Variants in CRYGN observed in about 807,000 individuals in gnomAD.
The protein encoded by CRYGN is crystallin gamma N, also known as gamma-crystallin N.
A neutral mutation model predicts 19.2 loss-of-function variants in CRYGN; 17 were observed. That is an observed-to-expected ratio of 0.89 (90% CI 0.61 to 1.33). CRYGN has a LOEUF of 1.33. Ranked by LOEUF, CRYGN falls within the 40% of genes most tolerant of loss-of-function variation. CRYGN has a pLI of 0.00. For missense variants in CRYGN, 239 were observed against 239.6 expected (o/e 1.00, Z 0.02); for synonymous variants, 84 against 85.8 (o/e 0.98, Z 0.12).
At position 151,431,985 on chromosome 7, in the gene CRYGN, C is replaced by T. The variant is rs1801479173; in HGVS notation, c.417-1805G>A. ...AGTCCGGGAAAGCGCCCTGGATCAT[C>T]CAGCTCCTCCCAGGGCTGGGATGCC... On this transcript the variant is annotated intron_variant, in intron 3 of 3. Coordinates refer to ENST00000337323, the MANE Select transcript of CRYGN (RefSeq NM_144727.3). The surrounding 1 kb of genome is among the most constrained non-coding windows in gnomAD (Gnocchi z 4.8). The T allele has an allele frequency of 2.6e-6, 1 of 388,844 alleles. No individual in the cohort carries two copies. The highest frequency in any genetic ancestry group is 4.5e-6 in the Non-Finnish European group (1 of 221,120). 24.1% of individuals were successfully genotyped at this position (388,844 alleles called of 1,614,324 possible). A position where few individuals can be genotyped will look rare whatever the true frequency, so the allele number is the denominator to read the frequency against.
chr7:151,431,630 C>A lies in CRYGN; in HGVS notation c.417-1450G>T, dbSNP rs1023991435. On this transcript the variant is annotated intron_variant, in intron 3 of 3. Transcript: ENST00000337323. This position sits in a 1 kb window ranked among gnomAD's most constrained non-coding sequence, Gnocchi z 4.8. ...CCACCTGTTCAAGCTAAGCCCCCAC[C>A]CTGACACTCACCACCACTAACTGTT... 6.6e-6 allele frequency among the ~76,000 whole-genome samples: 1 copy of A among 152,184 alleles called. No homozygotes were observed. Among genetic ancestry groups the A allele is most frequent in the African/African-American group, 2.4e-5 (1 of 41,442 alleles).
Position 151,435,887 on chromosome 7 carries a change from C to T in CRYGN, c.416+293G>A, listed in dbSNP as rs1801589751. Among the ~76,000 whole-genome samples the T allele has an allele frequency of 6.6e-6, 1 of 152,184 alleles. No homozygotes were observed. Among genetic ancestry groups the T allele is most frequent in the African/African-American group, 2.4e-5 (1 of 41,440 alleles). On this transcript the variant is annotated intron_variant, in intron 3 of 3. Transcript: ENST00000337323. The surrounding 1 kb of genome is among the most constrained non-coding windows in gnomAD (Gnocchi z 4.2). ...AACCGTGCAACTTTCAAGGTACTCT[C>T]CTACCTCTGCTCCTGGACTGAGGCC...
intron 1 of CRYGN, among the ~76,000 whole-genome samples, chr7:151,439,469 G>A (rs541604086): frequency 1.3e-5 from 2 of 152,264 alleles, no homozygotes; most frequent in African/African-American, 2.4e-5. Context: ...AGGGATTCGG[G>A]GCTCCCTCAA....
upstream of CRYGN, chr7:151,440,266 G>A (rs1214277333): frequency 2.4e-6 from 1 of 421,062 alleles, no homozygotes; most frequent in Non-Finnish European, 4.0e-6. Flanking sequence ...CTTCCCCTGC[G>A]CTGCCCCTCA....
In CRYGN at chr7:151,431,191, C is replaced by T. The variant is rs987992428; in HGVS notation, c.417-1011G>A. Among the ~76,000 whole-genome samples the T allele has an allele frequency of 6.6e-6, 1 of 152,178 alleles. No homozygotes were observed. The highest frequency in any genetic ancestry group is 1.5e-5 in the Non-Finnish European group (1 of 68,018). On this transcript the variant is annotated intron_variant, in intron 3 of 3. Transcript: ENST00000337323. This position sits in a 1 kb window ranked among gnomAD's most constrained non-coding sequence, Gnocchi z 4.8. ...GCAGCAGGGAGTTACCTGGGCCACC[C>T]CCAGGGACCAGAGTTCCCCTCGTGG... is the stretch of plus-strand genomic sequence containing the variant.
At position 151,433,656 on chromosome 7, in the gene CRYGN, C is replaced by G. The variant is rs919563362; in HGVS notation, c.416+2524G>C. ...TTCCAACCCCACACCTGTGCCACAG[C>G]TGGGGCCTCAGAGGCACCTCAGAGA... On this transcript the variant is annotated intron_variant, in intron 3 of 3. Transcript: ENST00000337323. This position sits in a 1 kb window ranked among gnomAD's most constrained non-coding sequence, Gnocchi z 5.1. 6.4e-6 allele frequency: 1 copy of G among 155,060 alleles called. No individual in the cohort carries two copies. The highest frequency in any genetic ancestry group is 1.5e-5 in the Non-Finnish European group (1 of 68,422). The allele number at this position is 155,060 out of a possible 1,614,324, so 9.6% of individuals were successfully genotyped here.
intron 1 of CRYGN, among the ~76,000 whole-genome samples, chr7:151,439,477 C>T (rs960412757): frequency 1.3e-4 from 20 of 152,140 alleles, no homozygotes; most frequent in Non-Finnish European, 2.8e-4. Context: ...GGGGCTCCCT[C>T]AAATCTCAAC....
Position 151,429,614 on chromosome 7 carries a change from C to A in CRYGN, c.*434G>T. On this transcript the variant is annotated 3_prime_UTR_variant, in exon 4 of 4. Transcript: ENST00000337323. The stretch of plus-strand genomic sequence containing the variant: ...TGTGACCCTGGGCAAGTTGCTTAAC[C>A]TGTCTGTGGCTGGCTCTCCTCAACT... 4.6e-6 allele frequency: 1 copy of A among 215,264 alleles called. No homozygotes were observed. Among genetic ancestry groups the A allele is most frequent in the South Asian group, 7.8e-5 (1 of 12,856 alleles). 13.3% of individuals were successfully genotyped at this position (215,264 alleles called of 1,614,324 possible).
rs758525859 is a variant in CRYGN, at chr7:151,435,447, C to T, written c.416+733G>A. Among the ~76,000 whole-genome samples, 4 of 152,148 alleles carry T rather than the reference C, an allele frequency of 2.6e-5. No individual in the cohort carries two copies. Among genetic ancestry groups the T allele is most frequent in the Non-Finnish European group, 4.4e-5 (3 of 68,022 alleles). ...AGGTGTGGGCTGGACAATGAAAATA[C>T]ATGGCCAACTTGAAGGTGCTCAGAG... On this transcript the variant is annotated intron_variant, in intron 3 of 3. Transcript: ENST00000337323. This position sits in a 1 kb window ranked among gnomAD's most constrained non-coding sequence, Gnocchi z 4.2.
chr7:151,432,138 G>T (rs1420121223), intron 3 of CRYGN: 3 of 1,201,320 alleles, frequency 2.5e-6, no homozygotes, highest in Non-Finnish European at 2.1e-6. Flanking sequence ...CCATCCCGGT[G>T]GGAGGGCTCG....
chr7:151,430,797 G>C lies in CRYGN; in HGVS notation c.417-617C>G, dbSNP rs907454906. On this transcript the variant is annotated intron_variant, in intron 3 of 3. Coordinates refer to ENST00000337323, the MANE Select transcript of CRYGN (RefSeq NM_144727.3). The surrounding 1 kb of genome is among the most constrained non-coding windows in gnomAD (Gnocchi z 5.2). ...AAACTGGAGTAAGATGTATGGTGAG[G>C]AGGACCCGGGAACTGAGAGGCCAGT... 2.0e-5 allele frequency among the ~76,000 whole-genome samples: 3 copies of C among 152,206 alleles called. No homozygotes were observed. The highest frequency in any genetic ancestry group is 4.4e-5 in the Non-Finnish European group (3 of 68,044).
rs2150905117 is a variant in CRYGN at position 151,430,782 on chromosome 7, A to G, written c.417-602T>C. On this transcript the variant is annotated intron_variant, in intron 3 of 3. Transcript: ENST00000337323. The surrounding 1 kb of genome is among the most constrained non-coding windows in gnomAD (Gnocchi z 5.2). ...CTCCATCTACTCAGAAAACTGGAGTAAGATGTATGGTGAGGAGGACCCGGG... is the reference window on the plus strand; with the variant it reads ...CTCCATCTACTCAGAAAACTGGAGTGAGATGTATGGTGAGGAGGACCCGGG... 6.6e-6 allele frequency among the ~76,000 whole-genome samples: 1 copy of G among 152,308 alleles called. No individual in the cohort carries two copies. The highest frequency in any genetic ancestry group is 2.4e-5 in the African/African-American group (1 of 41,564).
chr7:151,434,705 C>T lies in CRYGN; in HGVS notation c.416+1475G>A, dbSNP rs146276953. On this transcript the variant is annotated intron_variant, in intron 3 of 3. Transcript: ENST00000337323. ...TGTATCCTCCCATATATAGTAAGTC[C>T]TCACTTAACACCGTCAGTAAGTTCT... Among the ~76,000 whole-genome samples the T allele has an allele frequency of 5.4e-3, 824 of 152,312 alleles. 9 individuals carry two copies. Among genetic ancestry groups the T allele is most frequent in the African/African-American group, 0.018 (760 of 41,560 alleles).
At position 151,438,262 on chromosome 7, in the gene CRYGN, C is replaced by T; in HGVS notation, c.22-18G>A. The T allele has an allele frequency of 6.3e-7, 1 of 1,596,914 alleles. No individual in the cohort carries two copies. The highest frequency in any genetic ancestry group is 8.5e-7 in the Non-Finnish European group (1 of 1,172,000). On this transcript the variant is annotated intron_variant, in intron 1 of 3. Coordinates refer to ENST00000337323, the MANE Select transcript of CRYGN (RefSeq NM_144727.3). ...AGAGTGATCTAGAAAGGGCAGGTTA[C>T]AGAGCTCAGGGTCAGGGGCTTCTCT... is the stretch of plus-strand genomic sequence containing the variant.
At chr7:151,440,271 C>T (rs146250630), upstream of CRYGN, 164 of 382,874 alleles carry the variant, frequency 4.3e-4, no homozygotes, top group South Asian at 3.5e-3. Flanking sequence ...CCTGCGCTGC[C>T]CCTCAGCCCT....
At chr7:151,439,597 G>A (rs1226635068) in intron 1 of CRYGN, among the ~76,000 whole-genome samples, 2 of 152,134 alleles carry the variant, frequency 1.3e-5, no homozygotes, top group Non-Finnish European at 2.9e-5. Context: ...AGGGCTGTGG[G>A]ACAAGCCAAG....
intron 1 of CRYGN, chr7:151,438,911 C>T (rs989634460): frequency 3.9e-5 from 6 of 152,250 alleles, no homozygotes; most frequent in Non-Finnish European, 7.3e-5. Flanking sequence ...TGTCTTATAG[C>T]TACGTGGCAC....
rs576004609 is a variant in CRYGN at position 151,435,195 on chromosome 7, C to T, written c.416+985G>A. ...ACGGCAAATTGTTCCTCAATTGCTTCGATAGGCGCCAGAACCATGCACAGC... is the reference window on the plus strand; with the variant it reads ...ACGGCAAATTGTTCCTCAATTGCTTTGATAGGCGCCAGAACCATGCACAGC... On this transcript the variant is annotated intron_variant, in intron 3 of 3. Transcript: ENST00000337323. The surrounding 1 kb of genome is among the most constrained non-coding windows in gnomAD (Gnocchi z 4.2). 1.3e-5 allele frequency among the ~76,000 whole-genome samples: 2 copies of T among 152,128 alleles called. No individual in the cohort carries two copies. Among genetic ancestry groups the T allele is most frequent in the African/African-American group, 4.8e-5 (2 of 41,402 alleles).
intron 2 of CRYGN, among the ~76,000 whole-genome samples, chr7:151,437,285 C>A (rs145592439): frequency 6.6e-6 from 1 of 152,210 alleles, no homozygotes; most frequent in Non-Finnish European, 1.5e-5. Flanking sequence ...ATAAGCGAGA[C>A]GCTCTGTGAT....
Sources: gnomAD v4.1 joint callset for allele counts (sites outside exome capture counted in the v4.1 genomes callset) on GRCh38, gnomAD v4.1.1 for gene constraint, Gnocchi (gnomAD v3.1) non-coding constraint, MANE v1.5 for transcripts, NCBI Gene and HGNC (gene_info 2026-07-23, HGNC 2026-07-21) for gene names.